Variants in TRAPPC9 observed in about 807,000 individuals in gnomAD.
TRAPPC9 encodes trafficking protein particle complex subunit 9, also known as IKK2 binding protein.
In TRAPPC9, 83 loss-of-function variants were observed where a neutral mutation model predicts 124.0. That is an observed-to-expected ratio of 0.67 (90% CI 0.56 to 0.80). The LOEUF is 0.80. Ranked by LOEUF, TRAPPC9 falls within the 30% of genes least tolerant of loss-of-function variation. The probability of loss-of-function intolerance (pLI) is 0.00; values close to 1 mark genes in which losing one functional copy is unlikely to be tolerated. For synonymous variants in TRAPPC9, 638 were observed against 617.5 expected (o/e 1.03, Z -0.49); for missense variants, 1,302 against 1,508.3 (o/e 0.86, Z 2.27).
At chr8:139,811,195 G>A (rs562584028) in intron 21 of TRAPPC9, among the ~76,000 whole-genome samples, 3 of 152,146 alleles carry the variant, frequency 2.0e-5, no homozygotes, top group South Asian at 4.1e-4. Context: ...AAGAGCTCTT[G>A]GAAATTAAAA....
intron 21 of TRAPPC9, among the ~76,000 whole-genome samples, chr8:139,869,679 A>G (rs1828770424): frequency 6.6e-6 from 1 of 152,270 alleles, no homozygotes; most frequent in Non-Finnish European, 1.5e-5. Flanking sequence ...TCTTAGCACA[A>G]AGAAAACTTG....
chr8:139,958,618 C>T (rs1369260870), intron 19 of TRAPPC9, among the ~76,000 whole-genome samples: 1 of 152,236 alleles, frequency 6.6e-6, no homozygotes, highest in Non-Finnish European at 1.5e-5. Context: ...TGCAAAAGGG[C>T]TGCTTCCACC....
chr8:139,773,470 G>C (rs1222798744), intron 21 of TRAPPC9, among the ~76,000 whole-genome samples: 1 of 152,220 alleles, frequency 6.6e-6, no homozygotes, highest in African/African-American at 2.4e-5. Flanking sequence ...CTGCCCCGAA[G>C]GGAAATGGAG....
chr8:140,458,425 C>A, upstream of TRAPPC9: 1 of 1,589,936 alleles, frequency 6.3e-7, no homozygotes, highest in Non-Finnish European at 8.6e-7. Context: ...GTGCCCCCCA[C>A]GTGGGTGGGT....
chr8:140,114,296 C>G (rs1214954604), intron 17 of TRAPPC9, among the ~76,000 whole-genome samples: 1 of 145,842 alleles, frequency 6.9e-6, no homozygotes, highest in South Asian at 2.2e-4. Flanking sequence ...TCTCTATGTG[C>G]CTAGTGATGG....
At chr8:140,360,713 C>G (rs1225896305) in intron 8 of TRAPPC9, among the ~76,000 whole-genome samples, 1 of 152,162 alleles carries the variant, frequency 6.6e-6, no homozygotes, top group Non-Finnish European at 1.5e-5. Flanking sequence ...ACGGAGAAAT[C>G]TGGATGCACA....
At position 140,360,108 on chromosome 8, in the gene TRAPPC9, G is replaced by C. The variant is rs759338794; in HGVS notation, c.1437C>G (p.Leu479=). 5 of 1,614,218 alleles carry C rather than the reference G, an allele frequency of 3.1e-6. No homozygotes were observed. In the Admixed American group the frequency reaches 8.3e-5, roughly 27 times the overall value. Residue 479 remains leucine (L), a synonymous_variant, in exon 9 of 23, where the codon CTC becomes CTG. Transcript: ENST00000438773. ...GAAGGAAGGACAGGTGTCTGACAGA[G>C]AGGGCAGGGTTCCCCATCCTTCGGG... The part of the protein sequence containing the change: ...YASRRMGNPA[L]SVRHLSFLLQ...
intron 21 of TRAPPC9, among the ~76,000 whole-genome samples, chr8:139,853,743 G>A (rs1449273624): frequency 6.6e-6 from 1 of 152,192 alleles, no homozygotes; most frequent in Non-Finnish European, 1.5e-5. Context: ...ACTGCTGAGA[G>A]CAACATGTGC....
intron 21 of TRAPPC9, among the ~76,000 whole-genome samples, chr8:139,867,519 C>G (rs757741933): frequency 1.3e-5 from 2 of 152,158 alleles, no homozygotes; most frequent in Non-Finnish European, 2.9e-5. Flanking sequence ...AACAAAGAGA[C>G]AAGGAGTAGC....
rs1437812997 is a variant in TRAPPC9 at position 140,125,581 on chromosome 8, CTCAT to C, written c.2556+95874_2556+95877del. ...TCTTAGGCATGTTCATTTATCGAAT[CTCAT>C]TCTTTTTTTTTTTTTTTTTTTTTTT... is the stretch of plus-strand genomic sequence containing the variant. On this transcript the variant is annotated intron_variant, in intron 17 of 22. Transcript: ENST00000438773. Among the ~76,000 whole-genome samples, 10 of 136,546 alleles carry C rather than the reference CTCAT, an allele frequency of 7.3e-5. No homozygotes were observed. In the East Asian group the frequency reaches 1.6e-3, roughly 22 times the overall value. The allele number at this position is 136,546 out of a possible 152,430, so 89.6% of individuals were successfully genotyped here. A position where few individuals can be genotyped will look rare whatever the true frequency, so the allele number is the denominator to read the frequency against.
intron 17 of TRAPPC9, among the ~76,000 whole-genome samples, chr8:140,168,797 C>T (rs1050738163): frequency 6.6e-6 from 1 of 152,216 alleles, no homozygotes; most frequent in Admixed American, 6.5e-5. Flanking sequence ...CAGCTTCATG[C>T]TTTCCCTCCC....
In TRAPPC9 at chr8:139,835,833, C is replaced by T. The variant is rs116603288; in HGVS notation, c.3055+50046G>A. On this transcript the variant is annotated intron_variant, in intron 21 of 22. Coordinates refer to ENST00000438773, the MANE Select transcript of TRAPPC9 (RefSeq NM_001160372.4). ...ATCCGTTACAAAAAGGATGAGGCTC[C>T]GAGGACGGCAGAGAGTGCAAGAATC... 4.2e-3 allele frequency among the ~76,000 whole-genome samples: 638 copies of T among 152,124 alleles called. 9 individuals carry two copies. The highest frequency in any genetic ancestry group is 0.015 in the African/African-American group (627 of 41,502).
chr8:140,403,694 G>C (rs1410902820), intron 6 of TRAPPC9, among the ~76,000 whole-genome samples: 2 of 149,814 alleles, frequency 1.3e-5, no homozygotes, highest in Non-Finnish European at 1.5e-5. Context: ...GTCTCACTCT[G>C]TAGCCTAAGC....
At chr8:140,037,839 AAC>A (rs1220497673) in intron 17 of TRAPPC9, among the ~76,000 whole-genome samples, 2 of 112,410 alleles carry the variant, frequency 1.8e-5, no homozygotes, top group African/African-American at 3.3e-5. Context: ...AACACACACC[AAC>A]ACACACACAG....
chr8:139,760,677 C>T (rs1212130714), intron 21 of TRAPPC9, among the ~76,000 whole-genome samples: 1 of 152,202 alleles, frequency 6.6e-6, no homozygotes. Flanking sequence ...ATCTGATCAC[C>T]CCAGCCTGTC....
chr8:140,336,623 C>T (rs770275513), intron 9 of TRAPPC9, among the ~76,000 whole-genome samples: 2 of 152,156 alleles, frequency 1.3e-5, no homozygotes, highest in Non-Finnish European at 2.9e-5. Context: ...ACTTTTAACA[C>T]ATTTTCTTTG....
At chr8:139,912,103 G>A (rs1831775969) in intron 19 of TRAPPC9, among the ~76,000 whole-genome samples, 1 of 152,070 alleles carries the variant, frequency 6.6e-6, no homozygotes, top group Admixed American at 6.6e-5. Context: ...ACAGTTGGAA[G>A]ATAGAAAAAA....
chr8:140,392,174 G>A lies in TRAPPC9; in HGVS notation c.1134+5446C>T, dbSNP rs150613714. Among the ~76,000 whole-genome samples, 7 of 152,236 alleles carry A rather than the reference G, an allele frequency of 4.6e-5. No homozygotes were observed. The East Asian group carries it at 5.8e-4, about 13-fold the overall frequency. On this transcript the variant is annotated intron_variant, in intron 7 of 22. Coordinates refer to ENST00000438773, the MANE Select transcript of TRAPPC9 (RefSeq NM_001160372.4). ...ATCTACAAGACAATCCTGGAGACAC[G>A]GCAAACTCCTCTCCTCAATTTCTCA...
At chr8:140,247,559 G>A (rs1038936896) in intron 16 of TRAPPC9, among the ~76,000 whole-genome samples, 1 of 151,514 alleles carries the variant, frequency 6.6e-6, no homozygotes, top group African/African-American at 2.4e-5. Flanking sequence ...ACAGTTTCAA[G>A]GGTTTTTTTT....
Sources: allele counts gnomAD v4.1 joint callset (sites outside exome capture counted in the v4.1 genomes callset), GRCh38; gene constraint gnomAD v4.1.1; transcripts MANE v1.5; gene names NCBI Gene and HGNC (gene_info 2026-07-23, HGNC 2026-07-21).